Variants in ANKHD1 observed in about 807,000 individuals in gnomAD.
ANKHD1 encodes ankyrin repeat and KH domain containing 1.
A neutral mutation model predicts 230.5 loss-of-function variants in ANKHD1; 31 were observed. The observed-to-expected ratio is 0.13, with a 90% CI of 0.10 to 0.18. ANKHD1 has a LOEUF of 0.18. Among genes scored for constraint, ANKHD1 ranks in the 10% least tolerant of loss-of-function variants. ANKHD1 has a pLI of 1.00. For synonymous variants in ANKHD1, 1,074 were observed against 1,117.6 expected, an observed-to-expected ratio of 0.96 and a Z score of 0.78; for missense variants, 2,256 against 3,071.3, an observed-to-expected ratio of 0.73 and a Z score of 6.27.
At chr5:140,404,967 C>CTGTGTGTG (rs35692572) in intron 1 of ANKHD1, among the ~76,000 whole-genome samples, 10 of 134,832 alleles carry the variant, frequency 7.4e-5, no homozygotes, top group Admixed American at 2.2e-4. Context: ...CTGTGCATGT[C>CTGTGTGTG]TGTGTGTGTG....
chr5:140,496,461 C>CTTTTTTTT (rs770445733), intron 14 of ANKHD1, 59 bp from the exon 15 acceptor site: 7 of 513,102 alleles, frequency 1.4e-5, no homozygotes, highest in Non-Finnish European at 1.7e-5. Flanking sequence ...TTTTTCTTTT[C>CTTTTTTTT]TTTTTTTTTT....
Position 140,485,361 on chromosome 5 carries a change from A to C in ANKHD1, c.1998+113A>C. The C allele has an allele frequency of 4.9e-6, 7 of 1,438,824 alleles. 1 individual carries two copies. In the South Asian group the frequency reaches 8.8e-5, roughly 18 times the overall value. 89.1% of individuals were successfully genotyped at this position (1,438,824 alleles called of 1,614,324 possible). The stretch of plus-strand genomic sequence containing the variant: ...CACTTGAGCCCAGGAGTTTGAGACT[A>C]GTCTAGGCAACATAAGGAGACCCCA... On this transcript the variant is annotated intron_variant, in intron 12 of 33. Transcript: ENST00000360839. This position sits in a 1 kb window ranked among gnomAD's most constrained non-coding sequence, Gnocchi z 4.8.
At chr5:140,406,982 A>C (rs1770513738) in intron 1 of ANKHD1, among the ~76,000 whole-genome samples, 1 of 151,794 alleles carries the variant, frequency 6.6e-6, no homozygotes, top group Admixed American at 6.6e-5. Flanking sequence ...TCAGAATAGA[A>C]GTTAGGTTAA....
chr5:140,516,706 G>T (rs1753028589), intron 24 of ANKHD1, among the ~76,000 whole-genome samples: 1 of 151,998 alleles, frequency 6.6e-6, no homozygotes, highest in Non-Finnish European at 1.5e-5. Context: ...GTAAGTGAAG[G>T]AGAAATAAAA....
Position 140,504,870 on chromosome 5 carries a change from A to G in ANKHD1, c.3054A>G (p.Thr1018=). The part of the protein sequence containing the change: ...PTGSNSSSQT[T]ECLTPESCSQ... ...GTTCCAACAGTTCTTCTCAGACCAC[A>G]GAGTGTCTTACACCTGAATCCTGTT... The change falls in exon 16 of 34, where the codon ACA becomes ACG. Residue 1018 remains threonine (T), a synonymous_variant. Coordinates refer to ENST00000360839, the MANE Select transcript of ANKHD1 (RefSeq NM_017747.3). The G allele has an allele frequency of 6.2e-7, 1 of 1,614,230 alleles. No individual in the cohort carries two copies. The highest frequency in any genetic ancestry group is 1.1e-5 in the South Asian group (1 of 91,086).
intron 24 of ANKHD1, among the ~76,000 whole-genome samples, chr5:140,514,129 G>A (rs1752880677): frequency 6.7e-6 from 1 of 150,276 alleles, no homozygotes; most frequent in Non-Finnish European, 1.5e-5. Flanking sequence ...AGGCTCCAGT[G>A]AGCCATAATT....
At position 140,485,050 on chromosome 5, in the gene ANKHD1, T is replaced by G. The variant is rs964881093; in HGVS notation, c.1871-71T>G. 9.9e-6 allele frequency: 15 copies of G among 1,512,392 alleles called. No individual in the cohort carries two copies. The highest frequency in any genetic ancestry group is 1.2e-5 in the Non-Finnish European group (14 of 1,124,438). The allele number at this position is 1,512,392 out of a possible 1,614,324, so 93.7% of individuals were successfully genotyped here. On this transcript the variant is annotated intron_variant, in intron 11 of 33. Coordinates refer to ENST00000360839, the MANE Select transcript of ANKHD1 (RefSeq NM_017747.3). This position sits in a 1 kb window ranked among gnomAD's most constrained non-coding sequence, Gnocchi z 4.8. ...CTACATTATACTTCACAAAAAATTT[T>G]TAAATGATATTGACTATGAACTAGC...
At chr5:140,502,187 G>A (rs997212054) in intron 15 of ANKHD1, among the ~76,000 whole-genome samples, 1 of 152,156 alleles carries the variant, frequency 6.6e-6, no homozygotes, top group African/African-American at 2.4e-5. Context: ...TAGTCTTGGT[G>A]TAATTTTCTC....
chr5:140,404,967 CTGTGTGTGTGTGTGTGTGTGTGTGTGTG>C (rs35692572), intron 1 of ANKHD1, among the ~76,000 whole-genome samples: 1 of 134,832 alleles, frequency 7.4e-6, no homozygotes, highest in African/African-American at 2.8e-5. Flanking sequence ...CTGTGCATGT[CTGTGTGTGTGTGTGTGTGTGTGTGTGTG>C]TGTGTGTGTG....
chr5:140,515,592 G>A (rs1581362100), intron 24 of ANKHD1, among the ~76,000 whole-genome samples: 1 of 152,304 alleles, frequency 6.6e-6, no homozygotes, highest in East Asian at 1.9e-4. Context: ...CTGGAGATCT[G>A]AGAACGGGCA....
At chr5:140,459,552 G>A (rs1285432352) in intron 9 of ANKHD1, among the ~76,000 whole-genome samples, 197 bp downstream of exon 9, 1 of 152,018 alleles carries the variant, frequency 6.6e-6, no homozygotes, top group African/African-American at 2.4e-5. Flanking sequence ...TAGATAGGTG[G>A]AATAAGTTTT....
intron 9 of ANKHD1, among the ~76,000 whole-genome samples, chr5:140,460,952 A>G (rs937976473): frequency 6.6e-6 from 1 of 152,030 alleles, no homozygotes; most frequent in African/African-American, 2.4e-5. Flanking sequence ...TTCCCCTATC[A>G]TTTTTAGTAA....
intron 14 of ANKHD1, among the ~76,000 whole-genome samples, chr5:140,493,319 C>T (rs1375541113): frequency 3.3e-5 from 5 of 152,190 alleles, no homozygotes; most frequent in Non-Finnish European, 5.9e-5. Context: ...CCCGTCTTGG[C>T]CTCCCAAAGT....
chr5:140,469,042 C>T (rs1776306169), intron 10 of ANKHD1, among the ~76,000 whole-genome samples: 2 of 151,996 alleles, frequency 1.3e-5, no homozygotes, highest in African/African-American at 2.4e-5. Context: ...ACAGTTGATC[C>T]CTCCTGACTC....
At chr5:140,434,291 T>G (rs1360002931) in intron 1 of ANKHD1, among the ~76,000 whole-genome samples, 1 of 151,868 alleles carries the variant, frequency 6.6e-6, no homozygotes, top group Non-Finnish European at 1.5e-5. Context: ...ACCTTATTTT[T>G]TTTGTTTGTT....
Position 140,497,013 on chromosome 5 carries a change from A to G in ANKHD1, c.2739A>G (p.Gln913=), listed in dbSNP as rs1448011067. 4.3e-6 allele frequency: 7 copies of G among 1,614,080 alleles called. No homozygotes were observed. Among genetic ancestry groups the G allele is most frequent in the Non-Finnish European group, 5.9e-6 (7 of 1,180,032 alleles). ...AAGATAATGATGTTGATGATGAGCA[A>G]CAGTCTCCACCATCGGCAGAACAGA... ...LFKDNDVDDE[Q]QSPPSAEQID... is the part of the protein sequence containing the mutation. The change falls in exon 15 of 34, where the codon CAA becomes CAG. Residue 913 remains glutamine (Q), a synonymous_variant. Transcript: ENST00000360839.
chr5:140,513,322 T>G, intron 23 of ANKHD1, 41 bp from the exon 24 acceptor site: 1 of 1,555,924 alleles, frequency 6.4e-7, no homozygotes, highest in Non-Finnish European at 8.7e-7. Context: ...TTATTTGGCC[T>G]CTTTCATTAT....
At position 140,529,300 on chromosome 5, in the gene ANKHD1, G is replaced by A. The variant is rs1175220492; in HGVS notation, c.6354G>A (p.Gln2118=). 1 of 1,614,158 alleles carries A rather than the reference G, an allele frequency of 6.2e-7. No homozygotes were observed. The highest frequency in any genetic ancestry group is 2.2e-5 in the East Asian group (1 of 44,894). ...CCAGAATGGTTGCTGCTGATAATCA[G>A]GACACCAGTAATTTACCTCAGTTAG... ...TSPRMVAADN[Q]DTSNLPQLAV... The change falls in exon 29 of 34, where the codon CAG becomes CAA. Residue 2118 remains glutamine, a synonymous_variant. Coordinates refer to ENST00000360839, the MANE Select transcript of ANKHD1 (RefSeq NM_017747.3).
chr5:140,507,717 CT>C lies in ANKHD1; in HGVS notation c.3552-65del, dbSNP rs1390108688. 1.9e-6 allele frequency: 3 copies of C among 1,559,748 alleles called. No individual in the cohort carries two copies. In the African/African-American group the frequency reaches 4.1e-5, roughly 21 times the overall value. On this transcript the variant is annotated intron_variant, in intron 19 of 33. Coordinates refer to ENST00000360839, the MANE Select transcript of ANKHD1 (RefSeq NM_017747.3). The surrounding 1 kb of genome is among the most constrained non-coding windows in gnomAD (Gnocchi z 4.1). ...TCTCTTTTTAGTGAAACCTTTTCAT[CT>C]TTAATGCTTTTCTAAAATAATAGGC...
Sources: gnomAD v4.1 joint callset for allele counts (sites outside exome capture counted in the v4.1 genomes callset) on GRCh38, gnomAD v4.1.1 for gene constraint, Gnocchi (gnomAD v3.1) non-coding constraint, MANE v1.5 for transcripts, NCBI Gene and HGNC (gene_info 2026-07-23, HGNC 2026-07-21) for gene names.